Variants in KCNH5 observed in about 807,000 individuals in gnomAD.
KCNH5 encodes potassium voltage-gated channel subfamily H member 5.
In KCNH5, 46 loss-of-function variants were observed where a neutral mutation model predicts 96.1. The ratio of observed to expected loss-of-function variants is 0.48; its 90% confidence interval spans 0.38 to 0.61. The LOEUF (loss-of-function observed/expected upper bound fraction) is 0.61. Ranked by LOEUF, KCNH5 falls within the 20% of genes least tolerant of loss-of-function variation. The probability of loss-of-function intolerance (pLI) is 0.00; values close to 1 mark genes in which losing one functional copy is unlikely to be tolerated. For synonymous variants in KCNH5, 439 were observed against 449.8 expected (o/e 0.98, Z 0.30); for missense variants, 907 against 1,225.8 (o/e 0.74, Z 3.88).
intron 7 of KCNH5, among the ~76,000 whole-genome samples, chr14:62,937,641 C>T (rs562785692): frequency 3.1e-4 from 47 of 152,248 alleles, no homozygotes; most frequent in Non-Finnish European, 4.9e-4. Flanking sequence ...GCAAATTGTA[C>T]AGGAATTGTT....
chr14:62,842,581 T>A (rs1015771291), intron 8 of KCNH5, among the ~76,000 whole-genome samples: 2 of 152,220 alleles, frequency 1.3e-5, no homozygotes, highest in African/African-American at 4.8e-5. Context: ...TTTCTTGCAA[T>A]GATATGCTGG....
intron 10 of KCNH5, among the ~76,000 whole-genome samples, chr14:62,747,092 G>A (rs980463082): frequency 2.5e-4 from 38 of 152,334 alleles, no homozygotes; most frequent in East Asian, 3.9e-4. Flanking sequence ...CCAGCACTTC[G>A]GGAACCCGAG....
At chr14:62,837,682 A>C (rs1430671673) in intron 8 of KCNH5, among the ~76,000 whole-genome samples, 1 of 152,176 alleles carries the variant, frequency 6.6e-6, no homozygotes, top group African/African-American at 2.4e-5. Context: ...GACAGCACTC[A>C]AGTGTATTGA....
Position 63,045,327 on chromosome 14 carries a change from C to T in KCNH5, c.-141G>A. ...GGGCGCGGCGGCGGCGACGGGGTCCCCTGACTGTGTCTCCAGCCCGACCCG... is the reference window on the plus strand; with the variant it reads ...GGGCGCGGCGGCGGCGACGGGGTCCTCTGACTGTGTCTCCAGCCCGACCCG... On this transcript the variant is annotated 5_prime_UTR_variant, in exon 1 of 11. Coordinates refer to ENST00000322893, the MANE Select transcript of KCNH5 (RefSeq NM_139318.5). 2.9e-6 allele frequency: 2 copies of T among 682,482 alleles called. No homozygotes were observed. The highest frequency in any genetic ancestry group is 5.2e-6 in the Non-Finnish European group (2 of 384,542). 42.3% of individuals were successfully genotyped at this position (682,482 alleles called of 1,614,324 possible). A position where few individuals can be genotyped will look rare whatever the true frequency, so the allele number is the denominator to read the frequency against.
chr14:63,026,204 C>T (rs1025238987), intron 1 of KCNH5, among the ~76,000 whole-genome samples: 6 of 151,930 alleles, frequency 3.9e-5, no homozygotes, highest in Non-Finnish European at 7.4e-5. Context: ...ACCATATATA[C>T]AAATTAACTC....
At chr14:62,822,291 A>T (rs1887131237) in intron 8 of KCNH5, among the ~76,000 whole-genome samples, 2 of 152,154 alleles carry the variant, frequency 1.3e-5, no homozygotes, top group African/African-American at 4.8e-5. Context: ...TTCATACATT[A>T]AGGCACTACA....
At chr14:62,860,938 G>C (rs1888021110) in intron 7 of KCNH5, among the ~76,000 whole-genome samples, 1 of 152,208 alleles carries the variant, frequency 6.6e-6, no homozygotes, top group Non-Finnish European at 1.5e-5. Flanking sequence ...AGCAGAGGAA[G>C]AAAGAAAGTG....
At chr14:62,740,376 G>A (rs1240773861) in intron 10 of KCNH5, among the ~76,000 whole-genome samples, 1 of 152,048 alleles carries the variant, frequency 6.6e-6, no homozygotes, top group East Asian at 1.9e-4. Context: ...TCACTTCTCT[G>A]GCCTAGGTTG....
intron 8 of KCNH5, among the ~76,000 whole-genome samples, chr14:62,845,133 A>C (rs1423815730): frequency 6.6e-6 from 1 of 152,144 alleles, no homozygotes; most frequent in Non-Finnish European, 1.5e-5. Flanking sequence ...AAAAATTATC[A>C]ATAAAATATA....
chr14:62,711,590 T>A (rs776387101), intron 10 of KCNH5, among the ~76,000 whole-genome samples: 1 of 151,982 alleles, frequency 6.6e-6, no homozygotes, highest in Non-Finnish European at 1.5e-5. Context: ...TGAATTGTCA[T>A]CAAGTTTGCA....
intron 7 of KCNH5, among the ~76,000 whole-genome samples, chr14:62,916,014 G>A (rs931554018): frequency 1.4e-5 from 2 of 147,100 alleles, no homozygotes; most frequent in African/African-American, 5.1e-5. Context: ...GAGTGCAGTG[G>A]AGATCTTGGC....
chr14:62,750,654 T>G (rs887418956), intron 10 of KCNH5, among the ~76,000 whole-genome samples: 3 of 152,138 alleles, frequency 2.0e-5, no homozygotes, highest in Non-Finnish European at 2.9e-5. Context: ...CTAAGTGATG[T>G]TTTACAGGAG....
chr14:62,939,469 C>A (rs1005832877), intron 7 of KCNH5, among the ~76,000 whole-genome samples: 1 of 152,172 alleles, frequency 6.6e-6, no homozygotes, highest in Non-Finnish European at 1.5e-5. Flanking sequence ...ATCAGAATAA[C>A]CTGCAGGAAA....
At chr14:62,923,854 A>G (rs909971212) in intron 7 of KCNH5, among the ~76,000 whole-genome samples, 7 of 152,024 alleles carry the variant, frequency 4.6e-5, no homozygotes. Context: ...AAGAATTGAA[A>G]TCATAAAAGT....
intron 10 of KCNH5, among the ~76,000 whole-genome samples, chr14:62,729,617 G>A (rs532450332): frequency 6.6e-6 from 1 of 152,284 alleles, no homozygotes; most frequent in South Asian, 2.1e-4. Context: ...GTGTAAGAAG[G>A]ATAAGCCATA....
intron 7 of KCNH5, among the ~76,000 whole-genome samples, chr14:62,923,176 A>T (rs1171639492): frequency 1.3e-5 from 2 of 151,974 alleles, no homozygotes; most frequent in Non-Finnish European, 2.9e-5. Flanking sequence ...ATACACTAAC[A>T]ATGAATTATC....
chr14:62,791,509 C>T (rs1011844223), intron 9 of KCNH5, among the ~76,000 whole-genome samples: 7 of 151,578 alleles, frequency 4.6e-5, no homozygotes, highest in Admixed American at 4.6e-4. Flanking sequence ...GAAACAAGAT[C>T]TAACTATATT....
chr14:62,787,579 A>G (rs1435897846), intron 9 of KCNH5, among the ~76,000 whole-genome samples: 1 of 152,114 alleles, frequency 6.6e-6, no homozygotes, highest in Admixed American at 6.5e-5. Flanking sequence ...TTCTATTAAA[A>G]GAAGATGCCA....
At chr14:63,018,868 A>G (rs539622937) in intron 1 of KCNH5, among the ~76,000 whole-genome samples, 1 of 152,224 alleles carries the variant, frequency 6.6e-6, no homozygotes, top group East Asian at 1.9e-4. Flanking sequence ...ATTACTATGG[A>G]AAAAAGTAGG....
Sources: gnomAD v4.1 joint callset for allele counts (sites outside exome capture counted in the v4.1 genomes callset) on GRCh38, gnomAD v4.1.1 for gene constraint, MANE v1.5 for transcripts, NCBI Gene and HGNC (gene_info 2026-07-23, HGNC 2026-07-21) for gene names.